Variants in CCDC28B observed in about 807,000 individuals in gnomAD.
CCDC28B encodes the protein coiled-coil domain-containing protein 28B.
CCDC28B carries 17 observed loss-of-function variants against 18.7 expected under a neutral mutation model. That is an observed-to-expected ratio of 0.91 (90% CI 0.62 to 1.36). CCDC28B has a LOEUF of 1.36. Ranked by LOEUF, CCDC28B falls within the 40% of genes most tolerant of loss-of-function variation. The probability of loss-of-function intolerance (pLI) is 0.00; values close to 1 mark genes in which losing one functional copy is unlikely to be tolerated. For missense variants in CCDC28B, 213 were observed against 251.7 expected (o/e 0.85, Z 1.04); for synonymous variants, 116 against 105.1 (o/e 1.10, Z -0.64).
upstream of CCDC28B, chr1:32,196,654 C>G (rs1035485011): frequency 1.3e-5 from 2 of 152,246 alleles, no homozygotes; most frequent in African/African-American, 4.8e-5. Context: ...AAGCAGTTTT[C>G]TGGGACAACA....
intron 2 of CCDC28B, 46 bp from the exon 3 acceptor site, chr1:32,203,833 T>C (rs763295978): frequency 3.4e-6 from 5 of 1,451,110 alleles, no homozygotes; most frequent in Non-Finnish European, 4.6e-6. Context: ...GGGAGGTGCC[T>C]GACTGCCCCC....
At position 32,201,889 on chromosome 1, in the gene CCDC28B, TTTGTGGGG is replaced by T. The variant is rs139564084; in HGVS notation, c.-23-20_-23-13del. ...AGGGCTAACTTTGCCCCTGGCTATC[TTTGTGGGG>T]TTGCTTCCCTCCTAGGCCTGAGGCC... On this transcript the variant is annotated splice_polypyrimidine_tract_variant and intron_variant, in intron 1 of 5. Transcript: ENST00000373602. The T allele has an allele frequency of 5.5e-4, 851 of 1,536,368 alleles. 5 individuals are homozygous for T. In the African/African-American group the frequency reaches 0.011, roughly 19 times the overall value.
chr1:32,201,105 G>C (rs914937779), intron 1 of CCDC28B, among the ~76,000 whole-genome samples: 20 of 152,046 alleles, frequency 1.3e-4, no homozygotes, highest in Non-Finnish European at 2.5e-4. Flanking sequence ...CCAGAGGAGG[G>C]AACCCCAGCC....
chr1:32,203,025 T>G (rs931477873), intron 2 of CCDC28B: 6 of 151,892 alleles, frequency 4.0e-5, no homozygotes, highest in Non-Finnish European at 7.4e-5. Flanking sequence ...TCCCAGCAAC[T>G]TGGGAGGCTG....
upstream of CCDC28B, chr1:32,196,259 T>C (rs1643022497): frequency 6.5e-6 from 1 of 152,772 alleles, no homozygotes. Flanking sequence ...CCAGTTCCCA[T>C]CAGCACTGTC....
chr1:32,202,088 C>G lies in CCDC28B; in HGVS notation c.153C>G (p.Ala51=), dbSNP rs1273715446. ...LPHLPSPKQR[A]KFKRVGKEKC... is the part of the protein sequence containing the mutation. The stretch of plus-strand genomic sequence containing the variant: ...ATCTGCCATCCCCCAAGCAGCGGGC[C>G]AAGTTCAAGAGGTGGGTACAGAAGG... The change falls in exon 2 of 6, where the codon GCC becomes GCG. Residue 51 remains alanine, a synonymous_variant. Transcript: ENST00000373602. 1 of 1,612,548 alleles carries G rather than the reference C, an allele frequency of 6.2e-7. No homozygotes were observed. The highest frequency in any genetic ancestry group is 8.5e-7 in the Non-Finnish European group (1 of 1,179,274).
chr1:32,204,929 A>G lies in CCDC28B; in HGVS notation c.549-265A>G, dbSNP rs545090979. 3 of 1,433,160 alleles carry G rather than the reference A, an allele frequency of 2.1e-6. No homozygotes were observed. The African/African-American group carries it at 4.3e-5, about 21-fold the overall frequency. The allele number at this position is 1,433,160 out of a possible 1,614,324, so 88.8% of individuals were successfully genotyped here. A position where few individuals can be genotyped will look rare whatever the true frequency, so the allele number is the denominator to read the frequency against. On this transcript the variant is annotated intron_variant, in intron 5 of 5. Transcript: ENST00000373602. ...CAGCATTGAACAATTATTTTTACTA[A>G]TTTACACTACCACCTCACCTGGTCC... is the stretch of plus-strand genomic sequence containing the variant.
At chr1:32,203,791 A>C (rs1643216781) in intron 2 of CCDC28B, 88 bp from the exon 3 acceptor site, 1 of 1,069,310 alleles carries the variant, frequency 9.4e-7, no homozygotes, top group Non-Finnish European at 1.3e-6. Context: ...TAGACAGATA[A>C]ACTGGTGCAT....
intron 5 of CCDC28B, 196 bp from the exon 6 acceptor site, chr1:32,204,998 G>C: frequency 8.3e-7 from 1 of 1,200,454 alleles, no homozygotes; most frequent in East Asian, 2.6e-5. Flanking sequence ...ACCCCAGTGT[G>C]TCTGACCTGC....
chr1:32,205,073 A>G lies in CCDC28B; in HGVS notation c.549-121A>G. ...CGGGGACTGCAACCTCAGTCCACAG[A>G]CGGCCCGAGACCCTCGTCCCCGGCC... On this transcript the variant is annotated intron_variant, in intron 5 of 5. Transcript: ENST00000373602. The surrounding 1 kb of genome is among the most constrained non-coding windows in gnomAD (Gnocchi z 5.6). 1 of 1,291,744 alleles carries G rather than the reference A, an allele frequency of 7.7e-7. No individual in the cohort carries two copies. Among genetic ancestry groups the G allele is most frequent in the Non-Finnish European group, 1.1e-6 (1 of 941,208 alleles). The allele number at this position is 1,291,744 out of a possible 1,614,324, so 80.0% of individuals were successfully genotyped here.
At chr1:32,204,921 T>C (rs972444559) in intron 5 of CCDC28B, 13 of 1,452,582 alleles carry the variant, frequency 8.9e-6, no homozygotes, top group Non-Finnish European at 1.0e-5. Flanking sequence ...GAACAATTAT[T>C]TTTACTAATT....
chr1:32,199,105 T>C (rs891487314), upstream of CCDC28B, among the ~76,000 whole-genome samples: 7 of 152,222 alleles, frequency 4.6e-5, no homozygotes, highest in Admixed American at 2.0e-4. Context: ...GACTCCTATA[T>C]GGGAGACATG....
chr1:32,204,240 T>C lies in CCDC28B; in HGVS notation c.386T>C (p.Leu129Pro), dbSNP rs1413004234. The C allele has an allele frequency of 6.2e-7, 1 of 1,613,958 alleles. No homozygotes were observed. Among genetic ancestry groups the C allele is most frequent in the Non-Finnish European group, 8.5e-7 (1 of 1,179,978 alleles). ...LEHVREMQEK[L>P]ARLHFSLDVC... ...CACGTTCGGGAGATGCAGGAGAAGCTAGCCCGGCTGCACTTCAGCCTGGAT... is the reference window on the plus strand; with the variant it reads ...CACGTTCGGGAGATGCAGGAGAAGCCAGCCCGGCTGCACTTCAGCCTGGAT... The change falls in exon 4 of 6, where the codon CTA (leucine) becomes CCA (proline). Residue 129 changes from leucine (L) to proline (P), a missense_variant. By Grantham distance (98) the Leu-to-Pro change is moderately conservative. Transcript: ENST00000373602.
In CCDC28B at chr1:32,204,862, CATCA is replaced by C; in HGVS notation, c.548+247_548+250del. The C allele has an allele frequency of 3.3e-6, 5 of 1,533,212 alleles. No individual in the cohort carries two copies. In the South Asian group the frequency reaches 6.1e-5, roughly 19 times the overall value. The allele number at this position is 1,533,212 out of a possible 1,614,324, so 95.0% of individuals were successfully genotyped here. A position where few individuals can be genotyped will look rare whatever the true frequency, so the allele number is the denominator to read the frequency against. On this transcript the variant is annotated intron_variant, in intron 5 of 5. Transcript: ENST00000373602. ...AAATCTTTGTGAGTACTTTAGCTGA[CATCA>C]ATCATAGCAAAGCTTGTCCGATGTC... is the stretch of plus-strand genomic sequence containing the variant.
At chr1:32,204,717 C>CCCCA (rs761309147) in intron 5 of CCDC28B, 97 bp downstream of exon 5, 1 of 1,614,118 alleles carries the variant, frequency 6.2e-7, no homozygotes, top group East Asian at 2.2e-5. Flanking sequence ...CAACCAACTT[C>CCCCA]CCCACCTCTT....
At chr1:32,203,832 C>T (rs1294742797) in intron 2 of CCDC28B, 47 bp from the exon 3 acceptor site, 1 of 1,448,164 alleles carries the variant, frequency 6.9e-7, no homozygotes, top group East Asian at 2.5e-5. Flanking sequence ...CGGGAGGTGC[C>T]TGACTGCCCC....
chr1:32,203,933 A>G lies in CCDC28B; in HGVS notation c.219A>G (p.Ala73=). The change falls in exon 3 of 6, where the codon GCA becomes GCG. Residue 73 remains alanine, a synonymous_variant. Transcript: ENST00000373602. Reference sequence around the variant, plus strand: ...TGGCTGGAGGTGGAAGCGGCTCTGCAGGCACGCCCCTGCAGCACTCCTTCC... The same window carrying G: ...TGGCTGGAGGTGGAAGCGGCTCTGCGGGCACGCCCCTGCAGCACTCCTTCC... ...PVLAGGGSGS[A]GTPLQHSFLT... is the part of the protein sequence containing the mutation. The G allele has an allele frequency of 6.4e-7, 1 of 1,559,350 alleles. No individual in the cohort carries two copies. The highest frequency in any genetic ancestry group is 8.7e-7 in the Non-Finnish European group (1 of 1,153,246).
In CCDC28B at chr1:32,205,338, T is replaced by G; in HGVS notation, c.*90T>G. 2 of 1,318,396 alleles carry G rather than the reference T, an allele frequency of 1.5e-6. No homozygotes were observed. Among genetic ancestry groups the G allele is most frequent in the South Asian group, 1.4e-5 (1 of 70,452 alleles). The allele number at this position is 1,318,396 out of a possible 1,614,324, so 81.7% of individuals were successfully genotyped here. On this transcript the variant is annotated 3_prime_UTR_variant, in exon 6 of 6. Transcript: ENST00000373602. The surrounding 1 kb of genome is among the most constrained non-coding windows in gnomAD (Gnocchi z 5.6). ...GGCGGGTGTTCTGCGGCCCCCCAGGTGCTATGGGGGAGGGGGGCGTTGAAT... is the reference window on the plus strand; with the variant it reads ...GGCGGGTGTTCTGCGGCCCCCCAGGGGCTATGGGGGAGGGGGGCGTTGAAT...
upstream of CCDC28B, chr1:32,196,886 C>A (rs1643037469): frequency 6.6e-6 from 1 of 152,236 alleles, no homozygotes; most frequent in Non-Finnish European, 1.5e-5. Flanking sequence ...CACACCATTT[C>A]TCCTTCTCCT....
Sources: allele counts gnomAD v4.1 joint callset (sites outside exome capture counted in the v4.1 genomes callset), GRCh38; gene constraint gnomAD v4.1.1; non-coding constraint Gnocchi (gnomAD v3.1); transcripts MANE v1.5; gene names NCBI Gene and HGNC (gene_info 2026-07-23, HGNC 2026-07-21).